Variants in LRRCC1 observed in about 807,000 individuals in gnomAD.
LRRCC1 encodes the protein leucine-rich repeat and coiled-coil domain-containing protein 1.
Under a neutral mutation model 126.0 loss-of-function variants are expected in LRRCC1, and 115 were observed. That is an observed-to-expected ratio of 0.91 (90% CI 0.78 to 1.07). The LOEUF (loss-of-function observed/expected upper bound fraction) is 1.07. Among genes scored for constraint, LRRCC1 ranks in the 50% least tolerant of loss-of-function variants. The pLI, the probability that LRRCC1 is intolerant of heterozygous loss-of-function variation, is 0.00. For missense variants in LRRCC1, 1,172 were observed against 1,175.7 expected, an observed-to-expected ratio of 1.00 and a Z score of 0.05; for synonymous variants, 400 against 393.4, an observed-to-expected ratio of 1.02 and a Z score of -0.20.
intron 7 of LRRCC1, among the ~76,000 whole-genome samples, chr8:85,123,995 C>T (rs1422197238): frequency 6.6e-6 from 1 of 152,050 alleles, no homozygotes; most frequent in Non-Finnish European, 1.5e-5. Flanking sequence ...AAGACTAGTA[C>T]ACCTGAGTCT....
intron 4 of LRRCC1, 80 bp downstream of exon 4, chr8:85,113,179 C>T: frequency 9.2e-7 from 1 of 1,089,192 alleles, no homozygotes; most frequent in Admixed American, 2.5e-5. Context: ...GCATTCGTGA[C>T]CTCATTTTAG....
rs752245555 is a variant in LRRCC1, at chr8:85,135,838, G to A, written c.2204G>A (p.Ser735Asn). 1.9e-6 allele frequency: 3 copies of A among 1,598,712 alleles called. No individual in the cohort carries two copies. The African/African-American group carries it at 4.0e-5, about 22-fold the overall frequency. Residue 735 changes from serine (S) to asparagine (N), a missense_variant, in exon 14 of 19, where the codon AGT becomes AAT. By Grantham distance (46) the Ser-to-Asn change is conservative. Transcript: ENST00000360375. ...EILIEDDKQK[S>N]IQIELLKHEK... ...TTAATTGAAGATGACAAGCAGAAGA[G>A]TATTCAAATAGAACTTCTCAAGCAC...
intron 6 of LRRCC1, among the ~76,000 whole-genome samples, chr8:85,119,769 A>G (rs1809396560): frequency 6.6e-6 from 1 of 152,124 alleles, no homozygotes. Flanking sequence ...AAGTGCTGGG[A>G]TTACAGGCAT....
intron 10 of LRRCC1, 25 bp from the exon 11 acceptor site, chr8:85,129,894 A>T (rs1446615216): frequency 6.7e-7 from 1 of 1,490,820 alleles, no homozygotes; most frequent in Admixed American, 2.6e-5. Flanking sequence ...TATCTAAATA[A>T]TGTAATTGTG....
chr8:85,135,580 C>G (rs2135988053), intron 13 of LRRCC1, among the ~76,000 whole-genome samples: 1 of 152,000 alleles, frequency 6.6e-6, no homozygotes, highest in African/African-American at 2.4e-5. Flanking sequence ...GAATAAAATT[C>G]AGATTGTTTA....
rs1418056525 is a variant in LRRCC1, at chr8:85,122,628, T to A, written c.931-785T>A. On this transcript the variant is annotated intron_variant, in intron 6 of 18. Transcript: ENST00000360375. The stretch of plus-strand genomic sequence containing the variant: ...TTTTTTCATTTATGACAGGTGTATT[T>A]CTTATTATCTCATTGAACATCACTA... Among the ~76,000 whole-genome samples, 4 of 152,210 alleles carry A rather than the reference T, an allele frequency of 2.6e-5. No individual in the cohort carries two copies. The East Asian group carries it at 7.7e-4, about 29-fold the overall frequency.
At chr8:85,113,994 A>G (rs1563930861) in intron 4 of LRRCC1, among the ~76,000 whole-genome samples, 1 of 152,108 alleles carries the variant, frequency 6.6e-6, no homozygotes, top group Non-Finnish European at 1.5e-5. Flanking sequence ...ATATGCAACT[A>G]TAAGAAGGCT....
At chr8:85,145,192 A>C (rs1441018854) in intron 18 of LRRCC1, among the ~76,000 whole-genome samples, 197 bp from the exon 19 acceptor site, 1 of 151,594 alleles carries the variant, frequency 6.6e-6, no homozygotes, top group Non-Finnish European at 1.5e-5. Flanking sequence ...TAATGCATGA[A>C]AGTACTTTGT....
chr8:85,142,889 TG>T (rs1811360795), intron 18 of LRRCC1, among the ~76,000 whole-genome samples: 1 of 150,700 alleles, frequency 6.6e-6, no homozygotes, highest in Non-Finnish European at 1.5e-5. Flanking sequence ...TGTGTTTAAA[TG>T]ACATTATCCT....
In LRRCC1 at chr8:85,141,535, C is replaced by A; in HGVS notation, c.2976+18C>A. On this transcript the variant is annotated intron_variant, in intron 18 of 18. Transcript: ENST00000360375. ...ATTTAAAGGTATTGTAAGTAAAATT[C>A]ACTTCAATAATCAGTATATTACATG... 1 of 1,566,688 alleles carries A rather than the reference C, an allele frequency of 6.4e-7. No individual in the cohort carries two copies. Among genetic ancestry groups the A allele is most frequent in the South Asian group, 1.1e-5 (1 of 87,314 alleles).
Position 85,107,412 on chromosome 8 carries a change from C to G in LRRCC1, c.104+13C>G, listed in dbSNP as rs1563923655. 1 of 1,597,314 alleles carries G rather than the reference C, an allele frequency of 6.3e-7. No individual in the cohort carries two copies. The highest frequency in any genetic ancestry group is 8.6e-7 in the Non-Finnish European group (1 of 1,168,498). ...AAGGCTTGCAGAGGTAAAGGGCGCT[C>G]CGCAGCCAGGAGCGACCCGCGCACT... On this transcript the variant is annotated intron_variant, in intron 1 of 18. Transcript: ENST00000360375.
At chr8:85,141,075 A>G (rs80082392) in intron 17 of LRRCC1, among the ~76,000 whole-genome samples, 1,564 of 152,258 alleles carry the variant, frequency 0.01, 21 homozygotes, top group East Asian at 0.06. Flanking sequence ...CAAAAATAAA[A>G]TAAAAAACTA....
At chr8:85,114,139 GA>G (rs1282907388) in intron 4 of LRRCC1, among the ~76,000 whole-genome samples, 2 of 151,878 alleles carry the variant, frequency 1.3e-5, no homozygotes, top group East Asian at 3.9e-4. Context: ...GGACAGATTT[GA>G]AAGTTTTCTG....
intron 14 of LRRCC1, among the ~76,000 whole-genome samples, chr8:85,136,387 G>C (rs1002524032): frequency 6.6e-6 from 1 of 151,880 alleles, no homozygotes; most frequent in African/African-American, 2.4e-5. Context: ...TGATTCTCCT[G>C]CCTCAGCCTC....
chr8:85,142,173 A>C (rs1363921751), intron 18 of LRRCC1, among the ~76,000 whole-genome samples: 1 of 152,020 alleles, frequency 6.6e-6, no homozygotes, highest in African/African-American at 2.4e-5. Flanking sequence ...GAGCACCTGT[A>C]ATTCCAGCTA....
At chr8:85,130,270 G>C (rs1810363054) in intron 11 of LRRCC1, among the ~76,000 whole-genome samples, 1 of 151,616 alleles carries the variant, frequency 6.6e-6, no homozygotes, top group African/African-American at 2.4e-5. Flanking sequence ...CGAGTAGCTG[G>C]GACTACAGGC....
intron 14 of LRRCC1, 104 bp from the exon 15 acceptor site, chr8:85,137,356 CTTTA>C: frequency 1.5e-5 from 10 of 645,650 alleles, no homozygotes; most frequent in Non-Finnish European, 2.3e-5. Flanking sequence ...AGCTATGTTT[CTTTA>C]TTTAGTTTTT....
chr8:85,115,682 T>G (rs1379038158), intron 6 of LRRCC1, 98 bp downstream of exon 6: 1 of 777,184 alleles, frequency 1.3e-6, no homozygotes, highest in Non-Finnish European at 2.1e-6. Context: ...ACCAACCTAT[T>G]TTAGTGCATC....
chr8:85,107,496 C>A, intron 1 of LRRCC1, 97 bp downstream of exon 1: 1 of 1,054,888 alleles, frequency 9.5e-7, no homozygotes, highest in Admixed American at 2.4e-5. Flanking sequence ...CGCGGCACTG[C>A]TTTACCAAGA....
Sources: gnomAD v4.1 joint callset for allele counts (sites outside exome capture counted in the v4.1 genomes callset) on GRCh38, gnomAD v4.1.1 for gene constraint, MANE v1.5 for transcripts, NCBI Gene and HGNC (gene_info 2026-07-23, HGNC 2026-07-21) for gene names.